COA1: variants seen among roughly 807,000 people sequenced by gnomAD.
COA1 encodes cytochrome c oxidase assembly factor 1.
A neutral mutation model predicts 16.0 loss-of-function variants in COA1; 13 were observed. The ratio of observed to expected loss-of-function variants is 0.81; its 90% CI spans 0.53 to 1.29. The LOEUF (loss-of-function observed/expected upper bound fraction) is 1.29, where lower values mean the gene tolerates loss of function less well. Among genes scored for constraint, COA1 ranks in the 50% most tolerant of loss-of-function variants. The pLI is 0.00. For synonymous variants in COA1, 65 were observed against 65.7 expected (o/e 0.99, Z 0.05); for missense variants, 179 against 177.0 (o/e 1.01, Z -0.06).
intron 6 of COA1, chr7:43,624,017 G>A: frequency 1.6e-6 from 1 of 609,638 alleles, no homozygotes; most frequent in Non-Finnish European, 2.5e-6. Context: ...ACACCATAAT[G>A]GAAACACAAA....
At chr7:43,695,006 C>T (rs1676791436) in intron 1 of COA1, among the ~76,000 whole-genome samples, 1 of 152,212 alleles carries the variant, frequency 6.6e-6, no homozygotes, top group Admixed American at 6.5e-5. Context: ...CACTTCCCAG[C>T]TTATTTTGTT....
Position 43,651,713 on chromosome 7 carries a change from C to A in COA1, c.-38-3061G>T, listed in dbSNP as rs369965686. Among the ~76,000 whole-genome samples, 519 of 122,454 alleles carry A rather than the reference C, an allele frequency of 4.2e-3. 1 individual carries two copies. Among genetic ancestry groups the A allele is most frequent in the African/African-American group, 0.016 (479 of 30,252 alleles). The allele number at this position is 122,454 out of a possible 152,430, so 80.3% of individuals were successfully genotyped here. A position where few individuals can be genotyped will look rare whatever the true frequency, so the allele number is the denominator to read the frequency against. ...TTAAAAAAAAAAAAAAAAAAAAAAA[C>A]AGGCCAGGTGCGGTGGCTCACGCCT... On this transcript the variant is annotated intron_variant, in intron 1 of 5. Coordinates refer to ENST00000223336, the MANE Select transcript of COA1 (RefSeq NM_018224.4).
chr7:43,706,046 A>G (rs2094959939), intron 1 of COA1, among the ~76,000 whole-genome samples: 1 of 152,154 alleles, frequency 6.6e-6, no homozygotes, highest in South Asian at 2.1e-4. Context: ...TCTCAGTGGG[A>G]GAGGCTCTTC....
At chr7:43,644,465 A>G (rs1261517678) in intron 4 of COA1, among the ~76,000 whole-genome samples, 1 of 152,198 alleles carries the variant, frequency 6.6e-6, no homozygotes, top group African/African-American at 2.4e-5. Flanking sequence ...ATACACTTTA[A>G]AAATCAAAGT....
At chr7:43,622,203 G>T (rs2083967712) in intron 6 of COA1, 1 of 152,166 alleles carries the variant, frequency 6.6e-6, no homozygotes, top group Non-Finnish European at 1.5e-5. Context: ...CGGTAATTTG[G>T]ATGCTATGCA....
intron 1 of COA1, among the ~76,000 whole-genome samples, chr7:43,687,994 C>T (rs899560705): frequency 3.9e-5 from 6 of 152,170 alleles, no homozygotes; most frequent in South Asian, 4.1e-4. Context: ...ATAAGTCTCA[C>T]GAGCTCTGAT....
intron 6 of COA1, among the ~76,000 whole-genome samples, chr7:43,630,833 T>C (rs2085104589): frequency 6.6e-6 from 1 of 152,228 alleles, no homozygotes; most frequent in African/African-American, 2.4e-5. Context: ...TAAAGATCTG[T>C]TGATATCTAC....
intron 6 of COA1, among the ~76,000 whole-genome samples, chr7:43,612,409 C>T (rs1487121841): frequency 6.6e-6 from 1 of 152,240 alleles, no homozygotes; most frequent in Non-Finnish European, 1.5e-5. Context: ...CTGCTGTCCT[C>T]TGTCTTCGAC....
chr7:43,673,885 A>T (rs1042572849), intron 1 of COA1, among the ~76,000 whole-genome samples: 2 of 152,238 alleles, frequency 1.3e-5, no homozygotes, highest in Non-Finnish European at 2.9e-5. Flanking sequence ...AAGTGAATTA[A>T]CACAGGAACA....
At chr7:43,680,426 G>C (rs1223808730) in intron 1 of COA1, among the ~76,000 whole-genome samples, 1 of 152,020 alleles carries the variant, frequency 6.6e-6, no homozygotes, top group Non-Finnish European at 1.5e-5. Context: ...GCTTTTTCCA[G>C]AACTAATTAC....
intron 1 of COA1, among the ~76,000 whole-genome samples, chr7:43,676,757 T>C (rs1370885544): frequency 1.3e-5 from 2 of 152,020 alleles, no homozygotes; most frequent in Non-Finnish European, 2.9e-5. Context: ...TATCAAAATA[T>C]CACATTGTAC....
At chr7:43,692,273 C>T (rs1014350788) in intron 1 of COA1, among the ~76,000 whole-genome samples, 1 of 152,174 alleles carries the variant, frequency 6.6e-6, no homozygotes, top group Non-Finnish European at 1.5e-5. Flanking sequence ...AATCCCAACA[C>T]TCTAAGAGGC....
chr7:43,640,302 A>T (rs2086721702), intron 5 of COA1, among the ~76,000 whole-genome samples: 1 of 152,232 alleles, frequency 6.6e-6, no homozygotes. Flanking sequence ...GCATCAAATT[A>T]TGATAGACCC....
intron 1 of COA1, among the ~76,000 whole-genome samples, chr7:43,710,268 G>C (rs1270832669): frequency 7.1e-6 from 1 of 141,178 alleles, no homozygotes; most frequent in Non-Finnish European, 1.5e-5. Flanking sequence ...AGAATCACTT[G>C]AACCTGGGAG....
intron 2 of COA1, chr7:43,648,197 A>G: frequency 3.8e-6 from 1 of 260,260 alleles, no homozygotes; most frequent in Non-Finnish European, 7.5e-6. Flanking sequence ...CACTCTTATA[A>G]TATGTAAGAG....
intron 1 of COA1, among the ~76,000 whole-genome samples, chr7:43,706,954 T>C (rs1306794583): frequency 6.6e-6 from 1 of 152,054 alleles, no homozygotes; most frequent in East Asian, 1.9e-4. Context: ...GCAGATCACT[T>C]GAGATCAGGA....
chr7:43,701,119 T>C (rs2094719507), intron 1 of COA1, among the ~76,000 whole-genome samples: 1 of 152,182 alleles, frequency 6.6e-6, no homozygotes, highest in African/African-American at 2.4e-5. Context: ...TTTTGAACTT[T>C]TTAGGTCTGT....
chr7:43,641,706 A>G (rs895129858), intron 4 of COA1: 2 of 152,042 alleles, frequency 1.3e-5, no homozygotes, highest in African/African-American at 4.8e-5. Context: ...CATCCCCAGC[A>G]CCACAGGCTG....
chr7:43,687,214 C>T (rs2094077665), intron 1 of COA1, among the ~76,000 whole-genome samples: 1 of 152,140 alleles, frequency 6.6e-6, no homozygotes. Flanking sequence ...TTGCCATGAA[C>T]GATTTCATGG....
Sources: allele counts gnomAD v4.1 joint callset (sites outside exome capture counted in the v4.1 genomes callset), GRCh38; gene constraint gnomAD v4.1.1; transcripts MANE v1.5; gene names NCBI Gene and HGNC (gene_info 2026-07-23, HGNC 2026-07-21).